VPS13B: variants seen among roughly 807,000 people sequenced by gnomAD.
VPS13B encodes intermembrane lipid transfer protein VPS13B.
A neutral mutation model predicts 426.4 loss-of-function variants in VPS13B; 285 were observed. The ratio of observed to expected loss-of-function variants is 0.67; its 90% CI spans 0.61 to 0.74. VPS13B has a LOEUF of 0.74. Among genes scored for constraint, VPS13B ranks in the 30% least tolerant of loss-of-function variants. The pLI is 0.00. For missense variants in VPS13B, 4,537 were observed against 4,782.6 expected (o/e 0.95, Z 1.51); for synonymous variants, 1,676 against 1,676.4 (o/e 1.00, Z 0.01).
intron 21 of VPS13B, among the ~76,000 whole-genome samples, chr8:99,423,932 G>C (rs1198142338): frequency 1.3e-5 from 2 of 152,210 alleles, no homozygotes; most frequent in East Asian, 3.9e-4. Flanking sequence ...GGTCCGCTTG[G>C]TGCACAGCTG....
intron 15 of VPS13B, among the ~76,000 whole-genome samples, chr8:99,163,699 A>G (rs11992517): frequency 0.28 from 43,062 of 152,022 alleles, 7,117 homozygotes; most frequent in East Asian, 0.43. Flanking sequence ...CTGAGTGCGG[A>G]GCCCACCAAG....
chr8:99,443,154 G>C (rs912836630), intron 23 of VPS13B, among the ~76,000 whole-genome samples: 7 of 151,910 alleles, frequency 4.6e-5, no homozygotes, highest in Non-Finnish European at 8.8e-5. Context: ...TGTGTTTTCA[G>C]TTATGAATTC....
intron 21 of VPS13B, among the ~76,000 whole-genome samples, chr8:99,427,325 T>C (rs1255560466): frequency 8.1e-6 from 1 of 122,758 alleles, no homozygotes; most frequent in African/African-American, 3.2e-5. Flanking sequence ...AGCCTTGTAG[T>C]ATAGTTTGAA....
At chr8:99,568,418 G>A (rs1360757634) in intron 31 of VPS13B, among the ~76,000 whole-genome samples, 1 of 151,818 alleles carries the variant, frequency 6.6e-6, no homozygotes, top group African/African-American at 2.4e-5. Context: ...AGCCTCCGAA[G>A]TAGCTGGGAC....
intron 23 of VPS13B, among the ~76,000 whole-genome samples, chr8:99,452,333 C>G (rs1162873557): frequency 6.6e-6 from 1 of 152,174 alleles, no homozygotes; most frequent in African/African-American, 2.4e-5. Context: ...TCTGTGCTGT[C>G]TTTGTACTCC....
chr8:99,496,022 A>G (rs569303129), intron 25 of VPS13B, among the ~76,000 whole-genome samples: 1 of 152,110 alleles, frequency 6.6e-6, no homozygotes, highest in Admixed American at 6.5e-5. Context: ...TGGGGCATGG[A>G]TGTGCGTATA....
intron 33 of VPS13B, among the ~76,000 whole-genome samples, chr8:99,629,625 A>G (rs1255220680): frequency 1.3e-5 from 2 of 152,176 alleles, no homozygotes; most frequent in Admixed American, 6.5e-5. Context: ...GGATTTGGAC[A>G]TAGGAAGGTG....
At chr8:99,729,759 C>T (rs556629274) in intron 39 of VPS13B, among the ~76,000 whole-genome samples, 1 of 152,304 alleles carries the variant, frequency 6.6e-6, no homozygotes, top group South Asian at 2.1e-4. Context: ...ACAGACTGAA[C>T]TAAAGCTTCA....
chr8:99,684,592 T>C (rs896218295), intron 35 of VPS13B, among the ~76,000 whole-genome samples: 7 of 152,204 alleles, frequency 4.6e-5, no homozygotes, highest in African/African-American at 1.7e-4. Flanking sequence ...AATTCTAGTC[T>C]TCTTCCTTAG....
intron 5 of VPS13B, among the ~76,000 whole-genome samples, chr8:99,108,235 T>C (rs1350957537): frequency 2.6e-5 from 4 of 152,234 alleles, no homozygotes; most frequent in African/African-American, 7.2e-5. Flanking sequence ...ATTTTCTTTA[T>C]CTACTTCACT....
rs767310170 is a variant in VPS13B at position 99,820,042 on chromosome 8, T to G, written c.8914T>G (p.Trp2972Gly). 1 of 1,614,010 alleles carries G rather than the reference T, an allele frequency of 6.2e-7. No individual in the cohort carries two copies. Among genetic ancestry groups the G allele is most frequent in the South Asian group, 1.1e-5 (1 of 91,084 alleles). ...GGCCCTGCTTATCAATGAATCCAAA[T>G]GGGACCTCTGGCTATTTGAAGGAGA... ...PWALLINESK[W>G]DLWLFEGEKI... is the part of the protein sequence containing the mutation. The change falls in exon 49 of 62, where the codon TGG becomes GGG. Residue 2972 changes from tryptophan to glycine, a missense_variant. By Grantham distance (184) the Trp-to-Gly change is radical (BLOSUM62 -2). Coordinates refer to ENST00000357162, the MANE Select transcript of VPS13B (RefSeq NM_152564.5).
intron 39 of VPS13B, among the ~76,000 whole-genome samples, chr8:99,745,953 G>A (rs755181852): frequency 2.1e-4 from 32 of 151,886 alleles, no homozygotes; most frequent in Non-Finnish European, 3.5e-4. Flanking sequence ...GTTTAGATTT[G>A]GTTTGTTTGA....
At chr8:99,678,835 T>C (rs557709679) in intron 35 of VPS13B, among the ~76,000 whole-genome samples, 1 of 152,336 alleles carries the variant, frequency 6.6e-6, no homozygotes, top group East Asian at 1.9e-4. Context: ...GCAGGATAAA[T>C]GCTTAATTCT....
intron 16 of VPS13B, among the ~76,000 whole-genome samples, chr8:99,184,980 ACT>A (rs1563589310): frequency 6.6e-6 from 1 of 152,006 alleles, no homozygotes; most frequent in Non-Finnish European, 1.5e-5. Flanking sequence ...ACAGAGCGAG[ACT>A]CTGCTTTGAA....
chr8:99,871,095 T>C (rs2130973678), intron 60 of VPS13B: 2 of 630,400 alleles, frequency 3.2e-6, no homozygotes, highest in Non-Finnish European at 5.6e-6. Flanking sequence ...AACTCCTCTG[T>C]TCCGTACCTA....
intron 17 of VPS13B, among the ~76,000 whole-genome samples, chr8:99,204,435 GGACATA>G (rs1353230473): frequency 1.3e-5 from 2 of 152,128 alleles, no homozygotes; most frequent in Non-Finnish European, 2.9e-5. Flanking sequence ...ATACCATTCA[GGACATA>G]GGCACAGGCA....
rs141348733 is a variant in VPS13B at position 99,625,952 on chromosome 8, G to A, written c.5221-15859G>A. Among the ~76,000 whole-genome samples the A allele has an allele frequency of 3.5e-4, 53 of 152,302 alleles. No individual in the cohort carries two copies. The East Asian group carries it at 9.8e-3, about 28-fold the overall frequency. ...CAGTACTAAAATCTGGAATGAAAGA[G>A]GTGACAGTAATACTGACTTTACAGA... On this transcript the variant is annotated intron_variant, in intron 33 of 61. Transcript: ENST00000357162.
chr8:99,653,482 T>C (rs1588590477), intron 34 of VPS13B, among the ~76,000 whole-genome samples: 1 of 148,940 alleles, frequency 6.7e-6, no homozygotes, highest in East Asian at 2.0e-4. Context: ...TTTTTTTTTT[T>C]CACTGAATAG....
intron 43 of VPS13B, among the ~76,000 whole-genome samples, chr8:99,801,512 C>A (rs1245567911): frequency 6.6e-6 from 1 of 152,130 alleles, no homozygotes; most frequent in African/African-American, 2.4e-5. Context: ...CCCTGGTTGT[C>A]ACATGACAGG....
Sources: gnomAD v4.1 joint callset for allele counts (sites outside exome capture counted in the v4.1 genomes callset) on GRCh38, gnomAD v4.1.1 for gene constraint, MANE v1.5 for transcripts, NCBI Gene and HGNC (gene_info 2026-07-23, HGNC 2026-07-21) for gene names.